The following LYSMD4 variants were observed in gnomAD, a reference collection of about 807,000 sequenced individuals.
LYSMD4 encodes lysM and putative peptidoglycan-binding domain-containing protein 4.
Under a neutral mutation model 6.1 loss-of-function variants are expected in LYSMD4, and 9 were observed. The ratio of observed to expected loss-of-function variants is 1.47; its 90% CI spans 0.88 to 2.56. The LOEUF (loss-of-function observed/expected upper bound fraction) is 2.56. LYSMD4 is among the 30% of genes most tolerant of loss of function. LYSMD4 has a pLI of 0.00. For synonymous variants in LYSMD4, 143 were observed against 148.5 expected, an observed-to-expected ratio of 0.96 and a Z score of 0.27; for missense variants, 384 against 373.5, an observed-to-expected ratio of 1.03 and a Z score of -0.23.
At chr15:99,718,364 G>T (rs1437620057), upstream of LYSMD4, among the ~76,000 whole-genome samples, 3 of 152,018 alleles carry the variant, frequency 2.0e-5, no homozygotes, top group African/African-American at 7.2e-5. Context: ...GTTTTTACAG[G>T]GTTTCTTCAA....
At chr15:99,730,169 G>A (rs1323605776) in intron 2 of LYSMD4, among the ~76,000 whole-genome samples, 2 of 152,216 alleles carry the variant, frequency 1.3e-5, no homozygotes, top group African/African-American at 4.8e-5. Flanking sequence ...GCTGCCAGAT[G>A]TTAGCATTCA....
chr15:99,728,186 A>G lies in LYSMD4; in HGVS notation c.*937T>C, dbSNP rs1484415557. On this transcript the variant is annotated 3_prime_UTR_variant, in exon 3 of 3. Transcript: ENST00000684762. ...GCGGCCTTCTCACTCTGGAGCTCCGAAGAACTGAGCCAGGGAAGCAGCAGG... is the reference window on the plus strand; with the variant it reads ...GCGGCCTTCTCACTCTGGAGCTCCGGAGAACTGAGCCAGGGAAGCAGCAGG... The G allele has an allele frequency of 6.6e-6, 1 of 152,536 alleles. No individual in the cohort carries two copies. Among genetic ancestry groups the G allele is most frequent in the Non-Finnish European group, 1.5e-5 (1 of 68,282 alleles). The allele number at this position is 152,536 out of a possible 1,614,324, so 9.4% of individuals were successfully genotyped here. A position where few individuals can be genotyped will look rare whatever the true frequency, so the allele number is the denominator to read the frequency against.
downstream of LYSMD4, among the ~76,000 whole-genome samples, chr15:99,723,487 G>A (rs1019369917): frequency 2.0e-5 from 3 of 152,322 alleles, no homozygotes; most frequent in Middle Eastern, 3.4e-3. Context: ...TGTGGGCCTT[G>A]CTGACTGAGG....
chr15:99,716,363 T>G (rs777249926), exon 1 of LYSMD4: 1 of 359,330 alleles, frequency 2.8e-6, no homozygotes, highest in Non-Finnish European at 5.6e-6. Context: ...ATGTGTTGTT[T>G]TTCTTCATTA....
At chr15:99,724,869 G>C (rs2059265155), downstream of LYSMD4, among the ~76,000 whole-genome samples, 1 of 152,192 alleles carries the variant, frequency 6.6e-6, no homozygotes, top group African/African-American at 2.4e-5. Flanking sequence ...TCACAGGTTG[G>C]AGCTGCACTT....
Position 99,733,402 on chromosome 15 carries a change from G to C in LYSMD4, c.-66C>G, listed in dbSNP as rs35747287. On this transcript the variant is annotated 5_prime_UTR_variant, in exon 1 of 3. Coordinates refer to ENST00000684762, the MANE Select transcript of LYSMD4 (RefSeq NM_001284417.2). The stretch of plus-strand genomic sequence containing the variant: ...CGGCGACTCGCGACCCGCGACCCGC[G>C]ACCCGCAGCTGCCACCGCGCCTGCG... The C allele has an allele frequency of 0.63, 250,461 of 395,066 alleles. 80,401 individuals are homozygous for C. The highest frequency in any genetic ancestry group is 0.7 in the Middle Eastern group (1,100 of 1,568). 24.5% of individuals were successfully genotyped at this position (395,066 alleles called of 1,614,324 possible).
chr15:99,729,269 G>C lies in LYSMD4; in HGVS notation c.745C>G (p.Pro249Ala). The C allele has an allele frequency of 6.2e-7, 1 of 1,614,138 alleles. No homozygotes were observed. Among genetic ancestry groups the C allele is most frequent in the Non-Finnish European group, 8.5e-7 (1 of 1,180,036 alleles). The stretch of plus-strand genomic sequence containing the variant: ...ATGACAGTTGTGTTCAAGCTATTAG[G>C]GGTCTCACCACTAGCTTGTATTTTA... ...YFKIQASGETPNSLNTTVIPN... is the reference protein window; with the variant it reads ...YFKIQASGETANSLNTTVIPN... Residue 249 changes from proline to alanine, a missense_variant, in exon 3 of 3, where the codon CCT becomes GCT. Physicochemically the swap from Pro to Ala is conservative, Grantham distance 27. Transcript: ENST00000684762.
rs971088101 is a variant in LYSMD4 at position 99,729,583 on chromosome 15, G to A, written c.431C>T (p.Thr144Ile). Reference protein sequence around the residue: ...KPLLSPSSETTVTVELPEADR... With the variant: ...KPLLSPSSETIVTVELPEADR... Reference sequence around the variant, plus strand: ...TGCCTCTGGCAGTTCCACGGTCACTGTGGTCTCGGAAGACGGGCTCAGAAG... The same window carrying A: ...TGCCTCTGGCAGTTCCACGGTCACTATGGTCTCGGAAGACGGGCTCAGAAG... Residue 144 changes from threonine (T) to isoleucine (I), a missense_variant, in exon 3 of 3, where the codon ACA becomes ATA. Coordinates refer to ENST00000684762, the MANE Select transcript of LYSMD4 (RefSeq NM_001284417.2). 3.7e-6 allele frequency: 6 copies of A among 1,614,188 alleles called. No individual in the cohort carries two copies. The highest frequency in any genetic ancestry group is 1.1e-5 in the South Asian group (1 of 91,084).
At chr15:99,731,114 G>A in intron 2 of LYSMD4, 4 of 1,504,980 alleles carry the variant, frequency 2.7e-6, no homozygotes, top group Non-Finnish European at 3.7e-6. Flanking sequence ...TGTTAGCAAA[G>A]TGAAACAGTT....
At chr15:99,717,009 C>T (rs1597374006) in exon 1 of LYSMD4, 1 of 225,194 alleles carries the variant, frequency 4.4e-6, no homozygotes, top group Middle Eastern at 1.7e-3. Flanking sequence ...GGTGTACGTC[C>T]CAGTATGCTG....
At chr15:99,732,777 C>T (rs979183188) in intron 1 of LYSMD4, among the ~76,000 whole-genome samples, 53 of 152,390 alleles carry the variant, frequency 3.5e-4, no homozygotes, top group African/African-American at 1.2e-3. Context: ...CACAGGGGAG[C>T]AGCCCGTACG....
In LYSMD4 at chr15:99,717,215, G is replaced by A. The variant is rs77680937; in HGVS notation, c.-418C>T. 1.7e-3 allele frequency: 261 copies of A among 153,628 alleles called. 7 individuals carry two copies. Among genetic ancestry groups the A allele is most frequent in the East Asian group, 0.013 (69 of 5,212 alleles). The allele number at this position is 153,628 out of a possible 1,614,324, so 9.5% of individuals were successfully genotyped here. On this transcript the variant is annotated 5_prime_UTR_variant, in exon 1 of 1. Coordinates refer to the LYSMD4 transcript ENST00000378904. Reference sequence around the variant, plus strand: ...CTCTTATTAGCAGGTTTTGAAAGCTGGTTGAGTCCTGTGGCTAAAAATACT... The same window carrying A: ...CTCTTATTAGCAGGTTTTGAAAGCTAGTTGAGTCCTGTGGCTAAAAATACT...
chr15:99,732,094 G>C, intron 1 of LYSMD4, 87 bp from the exon 2 acceptor site: 1 of 1,375,416 alleles, frequency 7.3e-7, no homozygotes, highest in Admixed American at 2.6e-5. Context: ...TTGTTAGAGA[G>C]TATTCCTTTT....
chr15:99,729,259 A>C lies in LYSMD4; in HGVS notation c.755T>G (p.Leu252Trp). 1.5e-5 allele frequency: 24 copies of C among 1,614,220 alleles called. No homozygotes were observed. Among genetic ancestry groups the C allele is most frequent in the Non-Finnish European group, 2.0e-5 (24 of 1,180,048 alleles). The change falls in exon 3 of 3, where the codon TTG becomes TGG. Residue 252 changes from leucine (L) to tryptophan (W), a missense_variant. Leu to Trp is a moderately conservative substitution (Grantham distance 61). Transcript: ENST00000684762. ...IQASGETPNS[L>W]NTTVIPNGSM... ...GCCATTGGGGATGACAGTTGTGTTC[A>C]AGCTATTAGGGGTCTCACCACTAGC...
downstream of LYSMD4, among the ~76,000 whole-genome samples, chr15:99,723,675 A>G (rs1164147902): frequency 6.6e-6 from 1 of 152,158 alleles, no homozygotes; most frequent in African/African-American, 2.4e-5. Flanking sequence ...TGGGAATTAC[A>G]AGTAGTAAAG....
At chr15:99,732,246 C>T (rs747533544) in intron 1 of LYSMD4, among the ~76,000 whole-genome samples, 2 of 152,196 alleles carry the variant, frequency 1.3e-5, no homozygotes, top group Non-Finnish European at 2.9e-5. Flanking sequence ...AAACGAACCC[C>T]GCCCCTGTTC....
At chr15:99,726,168 T>TTTTTTTC (rs60862713), downstream of LYSMD4, among the ~76,000 whole-genome samples, 148 of 146,232 alleles carry the variant, frequency 1.0e-3, 1 homozygote, top group African/African-American at 3.6e-3. Flanking sequence ...TTTTTTTTTT[T>TTTTTTTC]CCCGCCTGAG....
Position 99,731,503 on chromosome 15 carries a change from C to A in LYSMD4, c.282+215G>T. The stretch of plus-strand genomic sequence containing the variant: ...GAAGTTCCCTGCAGAGAAAGAAATG[C>A]GCTAACCCTCCCTCTTTGGGGGCCA... On this transcript the variant is annotated intron_variant, in intron 2 of 2. Transcript: ENST00000684762. 4 of 1,579,392 alleles carry A rather than the reference C, an allele frequency of 2.5e-6. No homozygotes were observed. In the African/African-American group the frequency reaches 4.1e-5, roughly 16 times the overall value.
At chr15:99,731,566 T>C in intron 2 of LYSMD4, 152 bp downstream of exon 2, 1 of 1,529,744 alleles carries the variant, frequency 6.5e-7, no homozygotes, top group Non-Finnish European at 8.7e-7. Flanking sequence ...TGCATTCCAA[T>C]TCTGGCTAAA....
Sources: allele counts gnomAD v4.1 joint callset (sites outside exome capture counted in the v4.1 genomes callset), GRCh38; gene constraint gnomAD v4.1.1; transcripts MANE v1.5; gene names NCBI Gene and HGNC (gene_info 2026-07-23, HGNC 2026-07-21).